EPB41L3: variants seen among roughly 807,000 people sequenced by gnomAD.
The protein encoded by EPB41L3 is erythrocyte membrane protein band 4.1 like 3, also known as band 4.1-like protein 3.
EPB41L3 carries 57 observed loss-of-function variants against 127.1 expected under a neutral mutation model. The ratio of observed to expected loss-of-function variants is 0.45; its 90% CI spans 0.36 to 0.56. EPB41L3 has a LOEUF of 0.56. Among genes scored for constraint, EPB41L3 ranks in the 20% least tolerant of loss-of-function variants. EPB41L3 has a pLI of 0.00. For synonymous variants in EPB41L3, 572 were observed against 549.5 expected (o/e 1.04, Z -0.57); for missense variants, 1,273 against 1,372.2 (o/e 0.93, Z 1.14).
At chr18:5,608,251 G>A (rs774650141) in intron 3 of EPB41L3, among the ~76,000 whole-genome samples, 3 of 152,030 alleles carry the variant, frequency 2.0e-5, no homozygotes, top group Admixed American at 6.6e-5. Context: ...ACAGTGTGAC[G>A]GGCACACCAG....
chr18:5,434,640 T>C (rs186350277), intron 6 of EPB41L3, among the ~76,000 whole-genome samples: 1 of 152,220 alleles, frequency 6.6e-6, no homozygotes, highest in South Asian at 2.1e-4. Flanking sequence ...GCTATCTTAA[T>C]GTCATAGCCT....
intron 13 of EPB41L3, among the ~76,000 whole-genome samples, chr18:5,413,468 G>T (rs2076433756): frequency 1.3e-5 from 2 of 152,196 alleles, no homozygotes; most frequent in Non-Finnish European, 2.9e-5. Context: ...AGTAAGCAAT[G>T]ATGATACAAT....
At chr18:5,579,854 A>G (rs2094374482) in intron 3 of EPB41L3, among the ~76,000 whole-genome samples, 1 of 152,218 alleles carries the variant, frequency 6.6e-6, no homozygotes. Flanking sequence ...CTCAGCCTCA[A>G]TTACCTTAGG....
intron 1 of EPB41L3, among the ~76,000 whole-genome samples, chr18:5,505,335 C>T (rs1159860485): frequency 6.6e-6 from 1 of 152,082 alleles, no homozygotes; most frequent in Admixed American, 6.5e-5. Flanking sequence ...TTTCCTCATG[C>T]ACCACATGGT....
At chr18:5,442,404 C>A (rs1182296497) in intron 5 of EPB41L3, among the ~76,000 whole-genome samples, 2 of 152,132 alleles carry the variant, frequency 1.3e-5, no homozygotes, top group East Asian at 3.8e-4. Context: ...TAAATAATCA[C>A]CCGACTCTCT....
In EPB41L3 at chr18:5,540,570, C is replaced by G. The variant is rs1402362348; in HGVS notation, c.-12+3343G>C. On this transcript the variant is annotated intron_variant, in intron 1 of 22. Transcript: ENST00000341928. ...AAATCAAATAACAGCAGAACCCTCC[C>G]GGGCTGAGTGCCTGATGAATTCCCA... is the stretch of plus-strand genomic sequence containing the variant. 4.1e-6 allele frequency: 4 copies of G among 985,090 alleles called. No individual in the cohort carries two copies. In the Admixed American group the frequency reaches 1.8e-4, roughly 45 times the overall value. 61.0% of individuals were successfully genotyped at this position (985,090 alleles called of 1,614,324 possible).
At chr18:5,571,835 T>C (rs564409701) in intron 3 of EPB41L3, among the ~76,000 whole-genome samples, 1 of 152,356 alleles carries the variant, frequency 6.6e-6, no homozygotes, top group South Asian at 2.1e-4. Context: ...TCAGAGACTA[T>C]AAGCCAAGAC....
At position 5,397,299 on chromosome 18, in the gene EPB41L3, C is replaced by T. The variant is rs142911764; in HGVS notation, c.2600G>A (p.Ser867Asn). The change falls in exon 18 of 23, where the codon AGT (serine) becomes AAT (asparagine). Residue 867 changes from serine to asparagine, a missense_variant. Physicochemically the swap from Ser to Asn is conservative, Grantham distance 46. Around this residue, in one of 3 missense-constraint regions of EPB41L3, gnomAD observed 765 missense variants for 782.9 expected, o/e 0.98. Coordinates refer to ENST00000341928, the MANE Select transcript of EPB41L3 (RefSeq NM_012307.5). The surrounding 1 kb of genome is among the most constrained non-coding windows in gnomAD (Gnocchi z 4.1). Reference protein sequence around the residue: ...LVEERRVVHASGDASYSAGDS... With the variant: ...LVEERRVVHANGDASYSAGDS... The stretch of plus-strand genomic sequence containing the variant: ...TCCCGCCGAGTAAGAAGCATCCCCA[C>T]TCGCGTGCACCACACGCCGCTCCTC... 8.7e-6 allele frequency: 14 copies of T among 1,614,006 alleles called. No homozygotes were observed. Among genetic ancestry groups the T allele is most frequent in the Non-Finnish European group, 1.1e-5 (13 of 1,180,050 alleles).
Position 5,443,207 on chromosome 18 carries a change from C to T in EPB41L3, c.529+631G>A, listed in dbSNP as rs190443992. Among the ~76,000 whole-genome samples the T allele has an allele frequency of 1.7e-3, 253 of 152,296 alleles. 2 individuals carry two copies. Among genetic ancestry groups the T allele is most frequent in the African/African-American group, 5.8e-3 (241 of 41,574 alleles). The stretch of plus-strand genomic sequence containing the variant: ...CCTCTGAAATGATTGAACCAACTTA[C>T]TCTACCAATTGAGTAAATAAGTGCT... On this transcript the variant is annotated intron_variant, in intron 5 of 22. Transcript: ENST00000341928.
intron 16 of EPB41L3, chr18:5,399,212 TC>T (rs1321329941): frequency 2.3e-5 from 9 of 399,074 alleles, no homozygotes; most frequent in Non-Finnish European, 3.5e-5. Context: ...GTTGCATTTC[TC>T]GAGCCAATTC....
chr18:5,462,729 T>C (rs2084249617), intron 3 of EPB41L3, among the ~76,000 whole-genome samples: 1 of 152,184 alleles, frequency 6.6e-6, no homozygotes, highest in Non-Finnish European at 1.5e-5. Flanking sequence ...TTCTTGCTCA[T>C]TCGCTCACTA....
chr18:5,570,648 A>G (rs1210722310), intron 3 of EPB41L3: 1 of 152,042 alleles, frequency 6.6e-6, no homozygotes, highest in Admixed American at 6.6e-5. Context: ...ACATGTGCAC[A>G]ACGTGCAGGT....
chr18:5,531,182 GTA>G (rs746104784), intron 1 of EPB41L3, among the ~76,000 whole-genome samples: 2 of 152,210 alleles, frequency 1.3e-5, no homozygotes, highest in South Asian at 2.1e-4. Flanking sequence ...GTAGATGAGT[GTA>G]TGTTTCTGAG....
intron 6 of EPB41L3, among the ~76,000 whole-genome samples, chr18:5,437,263 G>A (rs1324023427): frequency 1.3e-5 from 2 of 152,070 alleles, no homozygotes; most frequent in Non-Finnish European, 2.9e-5. Context: ...AGAAAGGCTG[G>A]AGAGAGAGAG....
intron 3 of EPB41L3, among the ~76,000 whole-genome samples, chr18:5,606,454 C>G (rs573502278): frequency 3.3e-5 from 5 of 151,994 alleles, no homozygotes; most frequent in African/African-American, 1.2e-4. Context: ...TATTAAAAGG[C>G]AAACAACAAT....
At chr18:5,406,697 G>A in intron 16 of EPB41L3, 80 bp downstream of exon 16, 1 of 1,305,836 alleles carries the variant, frequency 7.7e-7, no homozygotes, top group Non-Finnish European at 1.1e-6. Context: ...CCAGAAGACT[G>A]TCAAATGCAA....
intron 3 of EPB41L3, among the ~76,000 whole-genome samples, chr18:5,452,894 TA>T (rs1288431799): frequency 6.6e-6 from 1 of 152,162 alleles, no homozygotes; most frequent in Non-Finnish European, 1.5e-5. Flanking sequence ...TGACCCTTAG[TA>T]GGTTAATAAA....
intron 1 of EPB41L3, chr18:5,521,165 T>C (rs1451155759): frequency 6.6e-6 from 1 of 152,228 alleles, no homozygotes; most frequent in Non-Finnish European, 1.5e-5. Context: ...CAATAACTAG[T>C]CTGGTATAGA....
In EPB41L3 at chr18:5,398,020, C is replaced by T; in HGVS notation, c.2472+1G>A. On this transcript the variant is annotated splice_donor_variant, in intron 17 of 22. Coordinates refer to ENST00000341928, the MANE Select transcript of EPB41L3 (RefSeq NM_012307.5). LOFTEE classifies it high-confidence loss of function. Reference sequence around the variant, plus strand: ...CACCAAGGACGAAAACAAATGGCCACCTGAACCCAGCTTTGAGAAGTAGAA... The same window carrying T: ...CACCAAGGACGAAAACAAATGGCCATCTGAACCCAGCTTTGAGAAGTAGAA... 6.2e-7 allele frequency: 1 copy of T among 1,614,086 alleles called. No individual in the cohort carries two copies. Among genetic ancestry groups the T allele is most frequent in the Non-Finnish European group, 8.5e-7 (1 of 1,179,986 alleles).
Sources: allele counts gnomAD v4.1 joint callset (sites outside exome capture counted in the v4.1 genomes callset), GRCh38; gene constraint gnomAD v4.1.1; regional missense constraint gnomAD v4.1.1; non-coding constraint Gnocchi (gnomAD v3.1); transcripts MANE v1.5; gene names NCBI Gene and HGNC (gene_info 2026-07-23, HGNC 2026-07-21).